ATM: variants seen among roughly 807,000 people sequenced by gnomAD.
ATM encodes serine-protein kinase ATM.
Under a neutral mutation model 387.0 loss-of-function variants are expected in ATM, and 308 were observed. That is an observed-to-expected ratio of 0.80 (90% CI 0.73 to 0.87). ATM has a LOEUF of 0.87. ATM is among the 40% of genes least tolerant of loss of function. The pLI is 0.00. For synonymous variants in ATM, 1,156 were observed against 1,187.3 expected, an observed-to-expected ratio of 0.97 and a Z score of 0.54; for missense variants, 3,312 against 3,560.9, an observed-to-expected ratio of 0.93 and a Z score of 1.78.
At chr11:108,300,568 CT>C (rs1288950839) in intron 34 of ATM, among the ~76,000 whole-genome samples, 14 of 152,152 alleles carry the variant, frequency 9.2e-5, no homozygotes, top group African/African-American at 3.4e-4. Context: ...TTTTTCTGTA[CT>C]TCCCTTCCTC....
chr11:108,252,848 C>A lies in ATM; in HGVS notation c.1834C>A (p.Leu612Ile), dbSNP rs747242300. Residue 612 changes from leucine (L) to isoleucine (I), a missense_variant, in exon 12 of 63, where the codon CTT becomes ATT. Physicochemically the swap from Leu to Ile is conservative, Grantham distance 5. Coordinates refer to ENST00000675843, the MANE Select transcript of ATM (RefSeq NM_000051.4). Reference protein sequence around the residue: ...NFPHLVLEKILVSLTMKNCKA... With the variant: ...NFPHLVLEKIIVSLTMKNCKA... ...TCCTCATCTTGTACTGGAGAAAATT[C>A]TTGTGAGTCTCACTATGAAAAACTG... 1 of 1,612,914 alleles carries A rather than the reference C, an allele frequency of 6.2e-7. No homozygotes were observed. The highest frequency in any genetic ancestry group is 8.5e-7 in the Non-Finnish European group (1 of 1,179,306).
chr11:108,253,934 G>A lies in ATM; in HGVS notation c.2019G>A (p.Lys673=), dbSNP rs786203021. The change falls in exon 13 of 63, where the codon AAG becomes AAA. Residue 673 remains lysine, a synonymous_variant. Transcript: ENST00000675843. ...LTIVRECGIE[K]HQSSIGFSVH... is the part of the protein sequence containing the mutation. ...TTGTGAGAGAATGTGGTATAGAAAA[G>A]CACCAGTCCAGTATTGGCTTCTCTG... 3.7e-6 allele frequency: 6 copies of A among 1,613,990 alleles called. No homozygotes were observed. The highest frequency in any genetic ancestry group is 5.1e-6 in the Non-Finnish European group (6 of 1,179,994).
chr11:108,329,649 G>A (rs866518894), intron 49 of ATM, among the ~76,000 whole-genome samples: 15 of 152,232 alleles, frequency 9.9e-5, no homozygotes, highest in African/African-American at 2.9e-4. Context: ...GGGCTCAAAC[G>A]ATCTGCCCAC....
chr11:108,332,755 T>G lies in ATM; in HGVS notation c.7789-7T>G. On this transcript the variant is annotated splice_polypyrimidine_tract_variant and splice_region_variant and intron_variant, in intron 52 of 62. Coordinates refer to ENST00000675843, the MANE Select transcript of ATM (RefSeq NM_000051.4). Reference sequence around the variant, plus strand: ...CTTATGTAATGTTTTTTGTTTTTTATTAATAGGATCGAACAGAGGCTGCAA... The same window carrying G: ...CTTATGTAATGTTTTTTGTTTTTTAGTAATAGGATCGAACAGAGGCTGCAA... 1 of 1,611,662 alleles carries G rather than the reference T, an allele frequency of 6.2e-7. No individual in the cohort carries two copies. The highest frequency in any genetic ancestry group is 8.5e-7 in the Non-Finnish European group (1 of 1,179,440).
At chr11:108,259,379 C>T (rs569294506) in intron 16 of ATM, among the ~76,000 whole-genome samples, 1 of 152,256 alleles carries the variant, frequency 6.6e-6, no homozygotes, top group South Asian at 2.1e-4. Context: ...GTCCCAGCTA[C>T]TCGGGAGGCT....
At chr11:108,319,018 A>C (rs2084991956) in intron 43 of ATM, among the ~76,000 whole-genome samples, 1 of 151,990 alleles carries the variant, frequency 6.6e-6, no homozygotes, top group Admixed American at 6.5e-5. Flanking sequence ...TCTACAAAAA[A>C]ATACAAAAGT....
chr11:108,284,458 C>T lies in ATM; in HGVS notation c.3978C>T (p.Asn1326=). 1 of 1,613,926 alleles carries T rather than the reference C, an allele frequency of 6.2e-7. No homozygotes were observed. The highest frequency in any genetic ancestry group is 1.1e-5 in the South Asian group (1 of 91,074). ...TKVYDMLKSE[N]LLGKQIDHLF... is the part of the protein sequence containing the mutation. ...TCTATGATATGCTTAAAAGTGAAAACTTATTGGGAAAACAGGTATGGCTTC... is the reference window on the plus strand; with the variant it reads ...TCTATGATATGCTTAAAAGTGAAAATTTATTGGGAAAACAGGTATGGCTTC... The change falls in exon 26 of 63, where the codon AAC becomes AAT. Residue 1326 remains asparagine (N), a synonymous_variant. Coordinates refer to ENST00000675843, the MANE Select transcript of ATM (RefSeq NM_000051.4).
At chr11:108,246,018 C>G (rs1010532364) in intron 7 of ATM, among the ~76,000 whole-genome samples, 4 of 151,838 alleles carry the variant, frequency 2.6e-5, no homozygotes, top group Admixed American at 1.3e-4. Context: ...GGGATGGGGT[C>G]TCACCATGTT....
At chr11:108,345,638 C>G in intron 57 of ATM, 105 bp from the exon 58 acceptor site, 1 of 922,812 alleles carries the variant, frequency 1.1e-6, no homozygotes. Flanking sequence ...GTATCCTGTT[C>G]ATCTTTATTG....
Position 108,365,343 on chromosome 11 carries a change from CAACAAAGT to C in ATM, c.9008_9015del (p.Asn3003SerfsTer2). The stretch of plus-strand genomic sequence containing the variant: ...TCCTTAGTGATATTGACCAGAGTTT[CAACAAAGT>C]AGCTGAACGTGTCTTAATGAGACTA... On this transcript the variant is annotated frameshift_variant, in exon 63 of 63. Coordinates refer to ENST00000675843, the MANE Select transcript of ATM (RefSeq NM_000051.4). LOFTEE classifies it high-confidence loss of function. 6.2e-7 allele frequency: 1 copy of C among 1,614,162 alleles called. No individual in the cohort carries two copies. Among genetic ancestry groups the C allele is most frequent in the Non-Finnish European group, 8.5e-7 (1 of 1,180,022 alleles).
chr11:108,354,106 C>T (rs962350634), intron 60 of ATM, among the ~76,000 whole-genome samples: 4 of 150,626 alleles, frequency 2.7e-5, no homozygotes, highest in African/African-American at 4.9e-5. Context: ...CACACACACA[C>T]GGGTTAGAGA....
intron 4 of ATM, 182 bp downstream of exon 4, chr11:108,229,505 A>T: frequency 1.7e-6 from 1 of 578,190 alleles, no homozygotes. Flanking sequence ...GTTTTTTTTT[A>T]GGGCTAGTCA....
intron 4 of ATM, among the ~76,000 whole-genome samples, chr11:108,234,094 T>C (rs1344911792): frequency 6.6e-6 from 1 of 152,146 alleles, no homozygotes; most frequent in African/African-American, 2.4e-5. Context: ...ATACAATGGA[T>C]GTTTTAGATT....
At chr11:108,257,439 A>C in intron 14 of ATM, 42 bp from the exon 15 acceptor site, 1 of 1,604,440 alleles carries the variant, frequency 6.2e-7, no homozygotes, top group Non-Finnish European at 8.5e-7. Context: ...ACTAAACTAT[A>C]ATTTTAACTG....
intron 23 of ATM, among the ~76,000 whole-genome samples, chr11:108,280,459 G>T (rs989429064): frequency 1.3e-5 from 2 of 151,982 alleles, no homozygotes; most frequent in African/African-American, 4.8e-5. Context: ...ACAAGAACTT[G>T]GATCTTTTAT....
chr11:108,317,662 C>T (rs1237186475), intron 43 of ATM, 141 bp downstream of exon 43: 11 of 223,584 alleles, frequency 4.9e-5, no homozygotes, highest in African/African-American at 2.6e-4. Flanking sequence ...TACACACACA[C>T]ACACACACAC....
At chr11:108,283,103 C>T (rs779207964) in intron 25 of ATM, among the ~76,000 whole-genome samples, 2 of 152,154 alleles carry the variant, frequency 1.3e-5, no homozygotes, top group Non-Finnish European at 2.9e-5. Flanking sequence ...AGCTATCTGA[C>T]TTTGGTCAAA....
Position 108,228,463 on chromosome 11 carries a change from G to A in ATM, c.185+575G>A, listed in dbSNP as rs4987904. 2.6e-3 allele frequency among the ~76,000 whole-genome samples: 389 copies of A among 152,252 alleles called. 2 individuals are homozygous for A. Among genetic ancestry groups the A allele is most frequent in the African/African-American group, 9.0e-3 (376 of 41,554 alleles). ...AACTAGAAACAGATTGTAAGGATTA[G>A]GAAAGATGAATAAAGTATTTTAAAT... On this transcript the variant is annotated intron_variant, in intron 3 of 62. Coordinates refer to ENST00000675843, the MANE Select transcript of ATM (RefSeq NM_000051.4).
intron 4 of ATM, 31 bp downstream of exon 4, chr11:108,229,354 G>C (rs2135039949): frequency 6.3e-7 from 1 of 1,585,490 alleles, no homozygotes; most frequent in African/African-American, 1.4e-5. Context: ...TAAATAAATG[G>C]CTTAACAGAT....
Sources: allele counts gnomAD v4.1 joint callset (sites outside exome capture counted in the v4.1 genomes callset), GRCh38; gene constraint gnomAD v4.1.1; transcripts MANE v1.5; gene names NCBI Gene and HGNC (gene_info 2026-07-23, HGNC 2026-07-21).